Variants in UNC13C observed in about 807,000 individuals in gnomAD.
UNC13C encodes the protein protein unc-13 homolog C.
Under a neutral mutation model 245.4 loss-of-function variants are expected in UNC13C, and 174 were observed. The ratio of observed to expected loss-of-function variants is 0.71; its 90% CI spans 0.63 to 0.80. The LOEUF is 0.80. Ranked by LOEUF, UNC13C falls within the 30% of genes least tolerant of loss-of-function variation. UNC13C has a pLI of 0.00. For synonymous variants in UNC13C, 992 were observed against 895.1 expected (o/e 1.11, Z -1.93); for missense variants, 2,829 against 2,602.9 (o/e 1.09, Z -1.89).
chr15:53,935,167 A>AC, the UNC13C span, among the ~76,000 whole-genome samples: 19 of 146,260 alleles, frequency 1.3e-4, no homozygotes, highest in East Asian at 8.1e-4. Context: ...AAAAAAAAAA[A>AC]CCTCTTTCAA....
intron 18 of UNC13C, among the ~76,000 whole-genome samples, chr15:54,400,495 A>G (rs2040159440): frequency 6.6e-6 from 1 of 152,020 alleles, no homozygotes; most frequent in Admixed American, 6.6e-5. Flanking sequence ...CTTCATAGTC[A>G]TTACTCTCCA....
intron 32 of UNC13C, among the ~76,000 whole-genome samples, chr15:54,626,216 GGA>G (rs1901132930): frequency 1.3e-5 from 2 of 152,118 alleles, no homozygotes; most frequent in East Asian, 3.9e-4. Context: ...GTGGTTGTTA[GGA>G]GAGGCCACAC....
intron 24 of UNC13C, among the ~76,000 whole-genome samples, chr15:54,521,694 GAGAT>G (rs1404344136): frequency 6.6e-6 from 1 of 152,212 alleles, no homozygotes; most frequent in Non-Finnish European, 1.5e-5. Flanking sequence ...GTCTGGCAAT[GAGAT>G]AGATATTTGA....
At chr15:54,547,996 C>T (rs1054651516) in intron 27 of UNC13C, among the ~76,000 whole-genome samples, 4 of 151,978 alleles carry the variant, frequency 2.6e-5, no homozygotes, top group African/African-American at 9.7e-5. Context: ...AGAAAAAGCT[C>T]TCACCTTGGC....
intron 30 of UNC13C, among the ~76,000 whole-genome samples, chr15:54,568,808 C>T (rs1263820295): frequency 6.6e-6 from 1 of 152,148 alleles, no homozygotes; most frequent in East Asian, 1.9e-4. Context: ...ACCCTGGACT[C>T]ATCATTGTTT....
intron 14 of UNC13C, among the ~76,000 whole-genome samples, chr15:54,324,162 T>G (rs751994111): frequency 5.3e-5 from 8 of 152,086 alleles, no homozygotes; most frequent in Non-Finnish European, 1.0e-4. Context: ...ACTATATTTT[T>G]CTAGCTATCA....
intron 2 of UNC13C, among the ~76,000 whole-genome samples, chr15:54,097,107 C>G (rs1899908405): frequency 6.6e-6 from 1 of 152,128 alleles, no homozygotes. Flanking sequence ...TTTGATCATA[C>G]CTATTTAGTG....
chr15:54,245,212 T>C (rs1596074886), intron 7 of UNC13C, among the ~76,000 whole-genome samples: 2 of 152,194 alleles, frequency 1.3e-5, no homozygotes, highest in East Asian at 1.9e-4. Flanking sequence ...TACATTTTTA[T>C]TGAAAGTTTG....
intron 30 of UNC13C, among the ~76,000 whole-genome samples, chr15:54,606,510 A>G (rs1405751599): frequency 2.0e-5 from 3 of 152,206 alleles, no homozygotes; most frequent in African/African-American, 7.2e-5. Context: ...AAAAGAAAGA[A>G]ACTTGAGCTA....
chr15:53,972,728 A>T, the UNC13C span: 1 of 152,186 alleles, frequency 6.6e-6, no homozygotes, highest in Non-Finnish European at 1.5e-5. Flanking sequence ...TCATCAGTGC[A>T]TATTGAATAA....
chr15:54,014,310 C>G lies in UNC13C; in HGVS notation c.1407C>G (p.Ser469=), dbSNP rs1170424600. The G allele has an allele frequency of 6.2e-7, 1 of 1,613,776 alleles. No individual in the cohort carries two copies. Among genetic ancestry groups the G allele is most frequent in the African/African-American group, 1.3e-5 (1 of 74,910 alleles). ...ATAGAAACAGTTACGCTGTGCTTTCCAAGTCAGAGCTTCTAACAAAGGGAA... is the reference window on the plus strand; with the variant it reads ...ATAGAAACAGTTACGCTGTGCTTTCGAAGTCAGAGCTTCTAACAAAGGGAA... ...DLNRNSYAVL[S]KSELLTKGST... The change falls in exon 2 of 33, where the codon TCC becomes TCG. Residue 469 remains serine, a synonymous_variant. Coordinates refer to ENST00000260323, the MANE Select transcript of UNC13C (RefSeq NM_001080534.3).
chr15:54,291,063 T>C (rs967543108), intron 10 of UNC13C, among the ~76,000 whole-genome samples: 2 of 152,090 alleles, frequency 1.3e-5, no homozygotes, highest in East Asian at 3.8e-4. Flanking sequence ...AGTTGTGTCT[T>C]TGTTTCTACT....
intron 2 of UNC13C, among the ~76,000 whole-genome samples, chr15:54,067,611 A>T (rs1332377916): frequency 6.6e-6 from 1 of 152,210 alleles, no homozygotes; most frequent in South Asian, 2.1e-4. Context: ...TGCAGTTTAC[A>T]GTTTCGATAG....
chr15:54,208,997 C>T (rs1213641511), intron 4 of UNC13C, among the ~76,000 whole-genome samples: 1 of 152,094 alleles, frequency 6.6e-6, no homozygotes, highest in Non-Finnish European at 1.5e-5. Flanking sequence ...GGCTAACAAA[C>T]CATGTCACCT....
intron 20 of UNC13C, among the ~76,000 whole-genome samples, chr15:54,498,936 T>C (rs569400545): frequency 6.6e-6 from 1 of 152,180 alleles, no homozygotes; most frequent in East Asian, 1.9e-4. Context: ...ACAAAGGCAA[T>C]CTACAAACTG....
intron 10 of UNC13C, among the ~76,000 whole-genome samples, chr15:54,284,880 G>C (rs1412720448): frequency 2.0e-5 from 3 of 152,002 alleles, no homozygotes; most frequent in African/African-American, 7.2e-5. Context: ...CATCAAAACA[G>C]CTGTTAAAAC....
At chr15:54,389,102 C>G (rs2039899354) in intron 17 of UNC13C, among the ~76,000 whole-genome samples, 1 of 152,172 alleles carries the variant, frequency 6.6e-6, no homozygotes, top group African/African-American at 2.4e-5. Flanking sequence ...CAAAACTTTT[C>G]ATGATTTGAC....
At chr15:53,895,231 G>A in the UNC13C span, among the ~76,000 whole-genome samples, 9 of 151,050 alleles carry the variant, frequency 6.0e-5, no homozygotes, top group South Asian at 2.1e-4. Context: ...GGGTGTGGTC[G>A]CAGGCGTCTG....
At chr15:54,612,643 C>T (rs1275191303) in intron 30 of UNC13C, among the ~76,000 whole-genome samples, 1 of 151,942 alleles carries the variant, frequency 6.6e-6, no homozygotes, top group East Asian at 1.9e-4. Flanking sequence ...TTCATTTACT[C>T]TAATTTCGCA....
Sources: gnomAD v4.1 joint callset for allele counts (sites outside exome capture counted in the v4.1 genomes callset) on GRCh38, gnomAD v4.1.1 for gene constraint, MANE v1.5 for transcripts, NCBI Gene and HGNC (gene_info 2026-07-23, HGNC 2026-07-21) for gene names.